The following NAV1 variants were observed in gnomAD, a reference collection of about 807,000 sequenced individuals.
NAV1 encodes neuron navigator 1.
A neutral mutation model predicts 175.2 loss-of-function variants in NAV1; 18 were observed. That is an observed-to-expected ratio of 0.10 (90% CI 0.07 to 0.15). The LOEUF (loss-of-function observed/expected upper bound fraction) is 0.15. NAV1 is among the 10% of genes least tolerant of loss of function. The probability of loss-of-function intolerance (pLI) is 1.00; values close to 1 mark genes in which losing one functional copy is unlikely to be tolerated. For missense variants in NAV1, 1,731 were observed against 2,436.6 expected (o/e 0.71, Z 6.10); for synonymous variants, 897 against 978.7 (o/e 0.92, Z 1.56).
chr1:201,580,543 C>T (rs1357428123), intron 1 of NAV1, among the ~76,000 whole-genome samples: 7 of 152,254 alleles, frequency 4.6e-5, no homozygotes, highest in East Asian at 3.9e-4. Flanking sequence ...GAGGCTGAGG[C>T]GGGTGGATCA....
At chr1:201,671,213 C>G (rs1251102535) in intron 1 of NAV1, among the ~76,000 whole-genome samples, 1 of 152,144 alleles carries the variant, frequency 6.6e-6, no homozygotes, top group East Asian at 1.9e-4. Context: ...CTGCCTTCCG[C>G]GAGGGTATTA....
intron 1 of NAV1, among the ~76,000 whole-genome samples, chr1:201,541,890 G>C (rs1335030377): frequency 6.6e-6 from 1 of 152,186 alleles, no homozygotes; most frequent in Non-Finnish European, 1.5e-5. Context: ...GCCTAGAATA[G>C]AAAAATCTCC....
rs552850724 is a variant in NAV1, at chr1:201,810,825, G to A, written c.4797+67G>A. 2.6e-5 allele frequency: 32 copies of A among 1,218,094 alleles called. No individual in the cohort carries two copies. The highest frequency in any genetic ancestry group is 1.0e-4 in the African/African-American group (7 of 66,930). 75.5% of individuals were successfully genotyped at this position (1,218,094 alleles called of 1,614,324 possible). On this transcript the variant is annotated intron_variant, in intron 24 of 29. Coordinates refer to ENST00000367296, the Ensembl canonical transcript of NAV1. The surrounding 1 kb of genome is among the most constrained non-coding windows in gnomAD (Gnocchi z 6.0). ...TCAGCCTTCCCTAAGACCCTTCCTC[G>A]GCCCCTTCCTGCCTCATTGTTCCCT...
At chr1:201,595,923 C>T (rs1209056633) in intron 2 of NAV1, among the ~76,000 whole-genome samples, 2 of 152,222 alleles carry the variant, frequency 1.3e-5, no homozygotes, top group Non-Finnish European at 2.9e-5. Flanking sequence ...AACTTCGCTT[C>T]GGGACTGCGT....
At chr1:201,734,483 G>A (rs76956897) in intron 3 of NAV1, among the ~76,000 whole-genome samples, 4 of 135,670 alleles carry the variant, frequency 2.9e-5, no homozygotes, top group South Asian at 2.6e-4. Context: ...GGAGGAGGAG[G>A]AGGAAGAAGG....
chr1:201,689,245 T>G (rs1309267683), intron 1 of NAV1, among the ~76,000 whole-genome samples: 1 of 152,220 alleles, frequency 6.6e-6, no homozygotes, highest in Non-Finnish European at 1.5e-5. Flanking sequence ...CAACTTTTAC[T>G]GCACAAATTA....
intron 3 of NAV1, among the ~76,000 whole-genome samples, chr1:201,743,664 T>G (rs1160429905): frequency 1.3e-5 from 2 of 152,204 alleles, no homozygotes; most frequent in African/African-American, 4.8e-5. Flanking sequence ...TTTTAGCATC[T>G]TTTTCTTCCG....
chr1:201,727,825 G>C (rs1038888117), intron 3 of NAV1, among the ~76,000 whole-genome samples: 4 of 152,186 alleles, frequency 2.6e-5, no homozygotes, highest in African/African-American at 9.7e-5. Context: ...GGAAGCATGG[G>C]TATTTATATG....
chr1:201,716,776 G>C (rs1672158865), intron 2 of NAV1, among the ~76,000 whole-genome samples: 1 of 152,244 alleles, frequency 6.6e-6, no homozygotes, highest in South Asian at 2.1e-4. Context: ...CTACTTTGGG[G>C]CTGAGGCAGG....
intron 1 of NAV1, among the ~76,000 whole-genome samples, chr1:201,706,874 G>A (rs1054221617): frequency 2.6e-5 from 4 of 152,170 alleles, no homozygotes; most frequent in African/African-American, 9.7e-5. Context: ...TGACTGCCGG[G>A]TGATGGATTC....
At chr1:201,555,473 G>A (rs139526062) in intron 1 of NAV1, among the ~76,000 whole-genome samples, 47 of 152,246 alleles carry the variant, frequency 3.1e-4, no homozygotes, top group Middle Eastern at 3.4e-3. Flanking sequence ...GAGTCTGGGG[G>A]CCTGGGAGAG....
chr1:201,807,055 T>TGTGTGTG lies in NAV1; in HGVS notation c.3649-883_3649-877dup, dbSNP rs373943872. Among the ~76,000 whole-genome samples, 106 of 152,190 alleles carry TGTGTGTG rather than the reference T, an allele frequency of 7.0e-4. No homozygotes were observed. Among genetic ancestry groups the TGTGTGTG allele is most frequent in the Non-Finnish European group, 1.3e-3 (85 of 67,994 alleles). On this transcript the variant is annotated intron_variant, in intron 17 of 29. Coordinates refer to ENST00000367296, the Ensembl canonical transcript of NAV1. This position sits in a 1 kb window ranked among gnomAD's most constrained non-coding sequence, Gnocchi z 5.4. ...GTCCCTGTGTGTGTGTGTGTATGTG[T>TGTGTGTG]GTGTGTGGTGTGTGGTGTGTGCATG... is the stretch of plus-strand genomic sequence containing the variant.
At chr1:201,811,003 A>G (rs1185066930) in intron 24 of NAV1, among the ~76,000 whole-genome samples, 1 of 151,208 alleles carries the variant, frequency 6.6e-6, no homozygotes, top group African/African-American at 2.4e-5. Context: ...CCTTGCCTTT[A>G]TGGAGAAAGG....
intron 1 of NAV1, among the ~76,000 whole-genome samples, chr1:201,545,855 T>C (rs765625828): frequency 6.6e-6 from 1 of 152,220 alleles, no homozygotes; most frequent in Non-Finnish European, 1.5e-5. Flanking sequence ...TACTGTTTGT[T>C]GTTTAGTTAT....
At chr1:201,558,051 T>C (rs1292846054) in intron 1 of NAV1, among the ~76,000 whole-genome samples, 2 of 152,246 alleles carry the variant, frequency 1.3e-5, no homozygotes, top group East Asian at 3.8e-4. Flanking sequence ...TTCCTAGCTG[T>C]GCGACTTCGT....
At chr1:201,712,994 C>T in intron 2 of NAV1, 75 bp downstream of exon 6, 1 of 1,105,030 alleles carries the variant, frequency 9.0e-7, no homozygotes, top group Non-Finnish European at 1.4e-6. Flanking sequence ...GGCAGGGCCC[C>T]CGGGTCCCTC....
exon 1 of NAV1, chr1:201,649,120 G>A (rs1048831207): frequency 8.7e-6 from 14 of 1,612,526 alleles, no homozygotes; most frequent in Non-Finnish European, 1.1e-5. Context: ...CAGGCCAAGG[G>A]CAGCCCGGCG....
At chr1:201,609,740 C>T (rs1321297621) in intron 2 of NAV1, among the ~76,000 whole-genome samples, 3 of 152,156 alleles carry the variant, frequency 2.0e-5, no homozygotes. Flanking sequence ...CAAGGTTCCG[C>T]TTACCTCTGC....
intron 15 of NAV1, chr1:201,798,319 G>C (rs1477663924): frequency 6.6e-6 from 1 of 152,126 alleles, no homozygotes; most frequent in African/African-American, 2.4e-5. Context: ...CTTGCCCCCA[G>C]AGTAATCCAA....
Sources: gnomAD v4.1 joint callset for allele counts (sites outside exome capture counted in the v4.1 genomes callset) on GRCh38, gnomAD v4.1.1 for gene constraint, Gnocchi (gnomAD v3.1) non-coding constraint, MANE v1.5 for transcripts, NCBI Gene and HGNC (gene_info 2026-07-23, HGNC 2026-07-21) for gene names.